EPHA3: variants seen among roughly 807,000 people sequenced by gnomAD.
The protein encoded by EPHA3 is EPH receptor A3.
In EPHA3, 42 loss-of-function variants were observed where a neutral mutation model predicts 107.1. The observed-to-expected ratio is 0.39, with a 90% CI of 0.31 to 0.51. The LOEUF (loss-of-function observed/expected upper bound fraction) is 0.51, where lower values mean the gene tolerates loss of function less well. Ranked by LOEUF, EPHA3 falls within the 20% of genes least tolerant of loss-of-function variation. EPHA3 has a pLI of 0.78. For missense variants in EPHA3, 1,183 were observed against 1,211.2 expected (o/e 0.98, Z 0.35); for synonymous variants, 461 against 424.8 (o/e 1.09, Z -1.05).
intron 5 of EPHA3, among the ~76,000 whole-genome samples, chr3:89,361,287 G>A (rs562820721): frequency 6.6e-6 from 1 of 150,784 alleles, no homozygotes; most frequent in African/African-American, 2.4e-5. Flanking sequence ...CTTTTTAAAG[G>A]GTGTCATGTG....
At chr3:89,206,691 G>A (rs59668913) in intron 2 of EPHA3, among the ~76,000 whole-genome samples, 23,223 of 151,972 alleles carry the variant, frequency 0.15, 1,992 homozygotes, top group African/African-American at 0.24. Context: ...ATTTTGCTTT[G>A]AATGTGACTG....
intron 2 of EPHA3, among the ~76,000 whole-genome samples, chr3:89,136,335 T>TTTTTTTTTTTTTC (rs1704312548): frequency 7.5e-6 from 1 of 133,568 alleles, no homozygotes; most frequent in African/African-American, 2.8e-5. Flanking sequence ...ACAGGCTTTT[T>TTTTTTTTTTTTTC]TTTTTTTTTT....
At chr3:89,340,809 T>C in intron 3 of EPHA3, 107 bp from the exon 4 acceptor site, 1 of 1,230,140 alleles carries the variant, frequency 8.1e-7, no homozygotes, top group Non-Finnish European at 1.1e-6. Flanking sequence ...AGGAAAAAAC[T>C]TGATTTTTAT....
At chr3:89,113,066 G>A (rs1391196753) in intron 1 of EPHA3, among the ~76,000 whole-genome samples, 4 of 152,034 alleles carry the variant, frequency 2.6e-5, no homozygotes, top group Non-Finnish European at 4.4e-5. Context: ...TCAATAAAGG[G>A]CTTTTACCAA....
intron 3 of EPHA3, among the ~76,000 whole-genome samples, chr3:89,302,464 GT>G (rs1285787361): frequency 2.6e-5 from 4 of 152,132 alleles, no homozygotes; most frequent in Admixed American, 1.3e-4. Context: ...CATTTGAGGA[GT>G]TTGACTCTAT....
At chr3:89,208,243 G>A (rs929816356) in intron 2 of EPHA3, among the ~76,000 whole-genome samples, 5 of 151,526 alleles carry the variant, frequency 3.3e-5, no homozygotes, top group Middle Eastern at 6.3e-3. Context: ...GGTGTTGGGG[G>A]CCTATAATCC....
chr3:89,390,737 C>A (rs1708710322), intron 5 of EPHA3, among the ~76,000 whole-genome samples: 1 of 151,466 alleles, frequency 6.6e-6, no homozygotes, highest in African/African-American at 2.4e-5. Flanking sequence ...GCAAGTCAAC[C>A]CTTGGTTTCC....
intron 2 of EPHA3, among the ~76,000 whole-genome samples, chr3:89,186,503 T>C (rs1216708351): frequency 3.3e-5 from 5 of 152,156 alleles, no homozygotes; most frequent in African/African-American, 1.2e-4. Flanking sequence ...CGAATTTCAC[T>C]CTGTGAAATG....
At chr3:89,237,201 C>G (rs1475861269) in intron 3 of EPHA3, among the ~76,000 whole-genome samples, 1 of 152,176 alleles carries the variant, frequency 6.6e-6, no homozygotes, top group East Asian at 1.9e-4. Context: ...AAAACCCTGT[C>G]TCTACTAAAA....
chr3:89,278,005 AT>A (rs887861626), intron 3 of EPHA3, among the ~76,000 whole-genome samples: 3 of 151,824 alleles, frequency 2.0e-5, no homozygotes, highest in African/African-American at 4.8e-5. Context: ...AATGTATTTG[AT>A]TTTTTTTGAC....
At position 89,341,188 on chromosome 3, in the gene EPHA3, A is replaced by G. The variant is rs187943475; in HGVS notation, c.970+117A>G. 36 of 1,083,444 alleles carry G rather than the reference A, an allele frequency of 3.3e-5. No individual in the cohort carries two copies. The Admixed American group carries it at 8.5e-4, about 26-fold the overall frequency. The allele number at this position is 1,083,444 out of a possible 1,614,324, so 67.1% of individuals were successfully genotyped here. A position where few individuals can be genotyped will look rare whatever the true frequency, so the allele number is the denominator to read the frequency against. Reference sequence around the variant, plus strand: ...CATTTCCTTCTGTTGCCCGTGTGCAAATTGAAAGCTTTCTCTGCTTCACTC... The same window carrying G: ...CATTTCCTTCTGTTGCCCGTGTGCAGATTGAAAGCTTTCTCTGCTTCACTC... On this transcript the variant is annotated intron_variant, in intron 4 of 16. Coordinates refer to ENST00000336596, the MANE Select transcript of EPHA3 (RefSeq NM_005233.6).
chr3:89,277,911 G>A (rs1267829302), intron 3 of EPHA3, among the ~76,000 whole-genome samples: 2 of 152,044 alleles, frequency 1.3e-5, no homozygotes, highest in East Asian at 1.9e-4. Flanking sequence ...ATTTCAATGG[G>A]GTGTTTAACT....
At position 89,399,309 on chromosome 3, in the gene EPHA3, A is replaced by G; in HGVS notation, c.1432-9A>G. 1 of 1,577,946 alleles carries G rather than the reference A, an allele frequency of 6.3e-7. No homozygotes were observed. Among genetic ancestry groups the G allele is most frequent in the Non-Finnish European group, 8.6e-7 (1 of 1,157,894 alleles). ...ATTTTAACATGAATTTTTTTTTCTG[A>G]CCTCAAAGCAGGAACAAGAAACAAG... On this transcript the variant is annotated splice_polypyrimidine_tract_variant and intron_variant, in intron 6 of 16. Transcript: ENST00000336596.
chr3:89,121,390 CAT>C (rs1194258644), intron 1 of EPHA3, among the ~76,000 whole-genome samples: 1 of 152,156 alleles, frequency 6.6e-6, no homozygotes, highest in Non-Finnish European at 1.5e-5. Context: ...ACAATTGACA[CAT>C]AATAGTTGAC....
intron 11 of EPHA3, among the ~76,000 whole-genome samples, chr3:89,428,450 AACTGGTTATT>A (rs1266590880): frequency 6.6e-6 from 1 of 152,158 alleles, no homozygotes; most frequent in Non-Finnish European, 1.5e-5. Context: ...CATATTTGCA[AACTGGTTATT>A]ACAAGTTACT....
At chr3:89,397,580 CTTT>C (rs35334618) in intron 6 of EPHA3, among the ~76,000 whole-genome samples, 1 of 131,094 alleles carries the variant, frequency 7.6e-6, no homozygotes, top group Non-Finnish European at 1.6e-5. Flanking sequence ...GCATCATTGC[CTTT>C]TTTTTTTTTT....
At chr3:89,192,754 G>A (rs1168779822) in intron 2 of EPHA3, among the ~76,000 whole-genome samples, 1 of 151,960 alleles carries the variant, frequency 6.6e-6, no homozygotes, top group African/African-American at 2.4e-5. Flanking sequence ...TACCATTTTA[G>A]GTGTCATAAA....
chr3:89,137,100 G>C (rs1472919500), intron 2 of EPHA3, among the ~76,000 whole-genome samples: 1 of 151,902 alleles, frequency 6.6e-6, no homozygotes, highest in Non-Finnish European at 1.5e-5. Flanking sequence ...TACATTAAAT[G>C]TGTTGAAACA....
chr3:89,277,995 A>T (rs1460514453), intron 3 of EPHA3, among the ~76,000 whole-genome samples: 1 of 152,178 alleles, frequency 6.6e-6, no homozygotes, highest in Non-Finnish European at 1.5e-5. Flanking sequence ...GTTTGTCTCA[A>T]ATGTATTTGA....
Sources: gnomAD v4.1 joint callset for allele counts (sites outside exome capture counted in the v4.1 genomes callset) on GRCh38, gnomAD v4.1.1 for gene constraint, MANE v1.5 for transcripts, NCBI Gene and HGNC (gene_info 2026-07-23, HGNC 2026-07-21) for gene names.